The following NOMO3 variants were observed in gnomAD, a reference collection of about 807,000 sequenced individuals.
The protein encoded by NOMO3 is BOS complex subunit NOMO3.
NOMO3 carries 15 observed loss-of-function variants against 69.9 expected under a neutral mutation model. That is an observed-to-expected ratio of 0.21 (90% CI 0.14 to 0.33). The LOEUF is 0.33. Ranked by LOEUF, NOMO3 falls within the 10% of genes least tolerant of loss-of-function variation. The pLI, the probability that NOMO3 is intolerant of heterozygous loss-of-function variation, is 1.00. For missense variants in NOMO3, 218 were observed against 761.0 expected, an observed-to-expected ratio of 0.29 and a Z score of 8.39; for synonymous variants, 89 against 301.9, an observed-to-expected ratio of 0.29 and a Z score of 7.31.
intron 11 of NOMO3, chr16:16,261,238 A>G: frequency 4.2e-6 from 2 of 480,432 alleles, no homozygotes; most frequent in Non-Finnish European, 7.2e-6. Context: ...GCCAGATGTC[A>G]CCCGGAACAC....
intron 7 of NOMO3, chr16:16,251,635 A>T (rs2856543): frequency 2.5e-6 from 1 of 407,534 alleles, no homozygotes; most frequent in African/African-American, 2.5e-5. Context: ...CAAATCTCAG[A>T]TTTAAACAAA....
chr16:16,259,660 A>C (rs1415714576), intron 11 of NOMO3, among the ~76,000 whole-genome samples: 3 of 77,040 alleles, frequency 3.9e-5, no homozygotes, highest in African/African-American at 7.9e-5. Flanking sequence ...AAAATTACTC[A>C]ATTTATTGTA....
intron 11 of NOMO3, among the ~76,000 whole-genome samples, chr16:16,258,666 G>T (rs1026084948): frequency 1.4e-5 from 2 of 142,934 alleles, no homozygotes; most frequent in Non-Finnish European, 3.0e-5. Context: ...GAGTTCAAGC[G>T]CAGCCTGGCC....
rs746450329 is a variant in NOMO3, at chr16:16,263,119, C to T, written c.1441C>T (p.Pro481Ser). 15 of 1,592,980 alleles carry T rather than the reference C, an allele frequency of 9.4e-6. 2 individuals carry two copies. Among genetic ancestry groups the T allele is most frequent in the Middle Eastern group, 1.7e-4 (1 of 6,014 alleles). The change falls in exon 13 of 31, where the codon CCC becomes TCC. Residue 481 changes from proline (P) to serine (S), a missense_variant. Pro to Ser is a moderately conservative substitution (Grantham distance 74, BLOSUM62 -1). Coordinates refer to ENST00000399336, the MANE Select transcript of NOMO3 (RefSeq NM_001004067.4). ...AETRAGLTLKPQTFPLTVTDR... is the reference protein window; with the variant it reads ...AETRAGLTLKSQTFPLTVTDR... ...AACCAGAGCAGGGCTGACGTTGAAA[C>T]CCCAGACATTTCCTCTTACTGTGAC...
chr16:16,265,668 A>ATTTTTTTTTTTTTTTT (rs1462635090), intron 15 of NOMO3, among the ~76,000 whole-genome samples: 1 of 24,916 alleles, frequency 4.0e-5, no homozygotes, highest in Non-Finnish European at 6.2e-5. Flanking sequence ...ATATATATAT[A>ATTTTTTTTTTTTTTTT]TATTTTTTTT....
At chr16:16,236,000 G>A (rs1354894397) in intron 1 of NOMO3, 16 of 301,132 alleles carry the variant, frequency 5.3e-5, no homozygotes, top group African/African-American at 1.0e-4. Context: ...TTAACACTTC[G>A]TGTCTGGTAA....
chr16:16,268,392 G>T (rs1390726963), intron 16 of NOMO3, among the ~76,000 whole-genome samples: 2 of 145,728 alleles, frequency 1.4e-5, no homozygotes, highest in African/African-American at 5.5e-5. Flanking sequence ...CACCTCCTTC[G>T]CCAACATTTG....
At chr16:16,244,136 C>T (rs1230433566) in intron 4 of NOMO3, among the ~76,000 whole-genome samples, 2 of 142,062 alleles carry the variant, frequency 1.4e-5, no homozygotes, top group African/African-American at 5.8e-5. Context: ...AGATGTGCTT[C>T]CTTCCTTCCT....
Position 16,256,169 on chromosome 16 carries a change from C to T in NOMO3, c.1220+11C>T, listed in dbSNP as rs369130129. 66 of 1,587,600 alleles carry T rather than the reference C, an allele frequency of 4.2e-5. 10 individuals carry two copies. In the East Asian group the frequency reaches 5.7e-4, roughly 14 times the overall value. ...CATTGTTGCAACAGGGTAAGCTTAT[C>T]GTGTGGATTTGGAAGCACCAGTAAA... On this transcript the variant is annotated intron_variant, in intron 11 of 30. Coordinates refer to ENST00000399336, the MANE Select transcript of NOMO3 (RefSeq NM_001004067.4).
rs372222035 is a variant in NOMO3, at chr16:16,256,101, C to T, written c.1163C>T (p.Thr388Met). 47 of 1,586,296 alleles carry T rather than the reference C, an allele frequency of 3.0e-5. 1 individual carries two copies. Among genetic ancestry groups the T allele is most frequent in the South Asian group, 4.5e-5 (4 of 89,238 alleles). ...CAGAAAGAGCACCTCTACTTTGAAA[C>T]GGTCACCATCAAAATTGCACCAAAC... Reference protein sequence around the residue: ...HAQKEHLYFETVTIKIAPNTP... With the variant: ...HAQKEHLYFEMVTIKIAPNTP... Residue 388 changes from threonine to methionine, a missense_variant, in exon 11 of 31, where the codon ACG becomes ATG. Physicochemically the swap from Thr to Met is moderately conservative, Grantham distance 81 (BLOSUM62 -1). Transcript: ENST00000399336.
At chr16:16,236,229 G>A (rs1046908909) in intron 1 of NOMO3, among the ~76,000 whole-genome samples, 3 of 145,664 alleles carry the variant, frequency 2.1e-5, no homozygotes, top group Non-Finnish European at 4.4e-5. Flanking sequence ...CCAGGAATTT[G>A]CAATTTATTT....
At chr16:16,258,828 G>A (rs1273041519) in intron 11 of NOMO3, among the ~76,000 whole-genome samples, 2 of 141,500 alleles carry the variant, frequency 1.4e-5, no homozygotes, top group Non-Finnish European at 3.0e-5. Context: ...TTGCACCATT[G>A]CACTCCAGCC....
In NOMO3 at chr16:16,263,190, A is replaced by C. The variant is rs1165730945; in HGVS notation, c.1512A>C (p.Ser504=). The C allele has an allele frequency of 3.1e-6, 5 of 1,593,084 alleles. 1 individual carries two copies. In the Admixed American group the frequency reaches 5.1e-5, roughly 16 times the overall value. Residue 504 remains serine (S), a synonymous_variant, in exon 13 of 31, where the codon TCA becomes TCC. Coordinates refer to ENST00000399336, the MANE Select transcript of NOMO3 (RefSeq NM_001004067.4). Reference sequence around the variant, plus strand: ...TGGCCTTTGTACAGTTCTTGGCATCAGTTTCTGGGAAAGTCTCTTGTTTGG... The same window carrying C: ...TGGCCTTTGTACAGTTCTTGGCATCCGTTTCTGGGAAAGTCTCTTGTTTGG... ...MDVAFVQFLA[S]VSGKVSCLDT...
chr16:16,264,960 T>C, intron 14 of NOMO3, 83 bp from the exon 15 acceptor site: 1 of 867,440 alleles, frequency 1.2e-6, no homozygotes, highest in South Asian at 1.8e-5. Context: ...AATTAGTTAA[T>C]TCATGATCAT....
At chr16:16,268,398 A>T (rs1473945607) in intron 16 of NOMO3, among the ~76,000 whole-genome samples, 1 of 145,788 alleles carries the variant, frequency 6.9e-6, no homozygotes, top group Non-Finnish European at 1.5e-5. Context: ...CTTCGCCAAC[A>T]TTTGTTATTG....
Position 16,256,073 on chromosome 16 carries a change from G to C in NOMO3, c.1135G>C (p.Ala379Pro), listed in dbSNP as rs769394205. ...NITTGTYTIHAQKEHLYFETV... is the reference protein window; with the variant it reads ...NITTGTYTIHPQKEHLYFETV... ...AACCACAGGGACATACACCATCCATGCTCAGAAAGAGCACCTCTACTTTGA... is the reference window on the plus strand; with the variant it reads ...AACCACAGGGACATACACCATCCATCCTCAGAAAGAGCACCTCTACTTTGA... The change falls in exon 11 of 31, where the codon GCT becomes CCT. Residue 379 changes from alanine to proline, a missense_variant. Transcript: ENST00000399336. The C allele has an allele frequency of 1.0e-5, 16 of 1,585,164 alleles. 2 individuals are homozygous for C. The Admixed American group carries it at 2.7e-4, about 27-fold the overall frequency.
intron 1 of NOMO3, among the ~76,000 whole-genome samples, chr16:16,234,141 A>C (rs1463091149): frequency 6.6e-6 from 1 of 151,960 alleles, no homozygotes; most frequent in East Asian, 1.9e-4. Context: ...CAGGGCTCCT[A>C]GGATTTCCTG....
At chr16:16,234,565 C>T (rs13330591) in intron 1 of NOMO3, among the ~76,000 whole-genome samples, 22,253 of 113,874 alleles carry the variant, frequency 0.2, 2,981 homozygotes, top group African/African-American at 0.33. Context: ...GATGTAGAAA[C>T]AATCATGATA....
intron 3 of NOMO3, among the ~76,000 whole-genome samples, chr16:16,241,194 GAC>G (rs1227886205): frequency 6.9e-6 from 1 of 144,692 alleles, no homozygotes; most frequent in Non-Finnish European, 1.5e-5. Context: ...CCCTCCAGGT[GAC>G]CACCACCCTG....
Sources: gnomAD v4.1 joint callset for allele counts (sites outside exome capture counted in the v4.1 genomes callset) on GRCh38, gnomAD v4.1.1 for gene constraint, MANE v1.5 for transcripts, NCBI Gene and HGNC (gene_info 2026-07-23, HGNC 2026-07-21) for gene names.